The following CCDC169 variants were observed in gnomAD, a reference collection of about 807,000 sequenced individuals.
CCDC169 encodes the protein coiled-coil domain containing 169, also known as coiled-coil domain-containing protein 169.
Under a neutral mutation model 36.0 loss-of-function variants are expected in CCDC169, and 30 were observed. The observed-to-expected ratio is 0.83, with a 90% CI of 0.62 to 1.13. The LOEUF is 1.13. CCDC169 is among the 50% of genes most tolerant of loss of function. The pLI is 0.00. For missense variants in CCDC169, 245 were observed against 245.9 expected, an observed-to-expected ratio of 1.00 and a Z score of 0.03; for synonymous variants, 85 against 81.5, an observed-to-expected ratio of 1.04 and a Z score of -0.23.
At chr13:36,230,092 C>T (rs894529478), downstream of CCDC169, among the ~76,000 whole-genome samples, 1 of 152,038 alleles carries the variant, frequency 6.6e-6, no homozygotes, top group Non-Finnish European at 1.5e-5. Context: ...ATATATTCTT[C>T]CTTAAGGAAA....
downstream of CCDC169, chr13:36,226,672 C>G (rs1250848066): frequency 6.5e-6 from 1 of 153,874 alleles, no homozygotes; most frequent in African/African-American, 2.4e-5. Flanking sequence ...AGGCCATTTT[C>G]CTATGCAAAT....
intron 2 of CCDC169, among the ~76,000 whole-genome samples, chr13:36,290,679 T>C (rs1425313076): frequency 6.6e-6 from 1 of 152,196 alleles, no homozygotes; most frequent in African/African-American, 2.4e-5. Context: ...AGTATCTCAA[T>C]GCAGAGAATT....
At chr13:36,262,890 G>T (rs1874767651) in intron 4 of CCDC169, among the ~76,000 whole-genome samples, 1 of 152,048 alleles carries the variant, frequency 6.6e-6, no homozygotes, top group Non-Finnish European at 1.5e-5. Context: ...TGAGCTCTGG[G>T]GACATATAAA....
rs1879628255 is a variant in CCDC169, at chr13:36,297,275, A to AC, written c.83+361dup. On this transcript the variant is annotated intron_variant, in intron 1 of 7. Coordinates refer to ENST00000239859, the MANE Select transcript of CCDC169 (RefSeq NM_001144981.3). ...CTTAAAGGGATGAAAGAAAAAAAAAACCCCGTATAACTAAATAAAATCTTT... is the reference window on the plus strand; with the variant it reads ...CTTAAAGGGATGAAAGAAAAAAAAAACCCCCGTATAACTAAATAAAATCTTT... Among the ~76,000 whole-genome samples, 3 of 152,248 alleles carry AC rather than the reference A, an allele frequency of 2.0e-5. No individual in the cohort carries two copies. In the South Asian group the frequency reaches 6.2e-4, roughly 32 times the overall value.
rs780852723 is a variant in CCDC169 at position 36,258,498 on chromosome 13, C to T, written c.316-4355G>A. Reference sequence around the variant, plus strand: ...AACCCACCAAAACCCTAGATGGCAACAAAAGTAACCTCTGGTTATCCTCAC... The same window carrying T: ...AACCCACCAAAACCCTAGATGGCAATAAAAGTAACCTCTGGTTATCCTCAC... On this transcript the variant is annotated intron_variant, in intron 4 of 7. Transcript: ENST00000239859. Among the ~76,000 whole-genome samples, 35 of 152,152 alleles carry T rather than the reference C, an allele frequency of 2.3e-4. 1 individual carries two copies. The highest frequency in any genetic ancestry group is 4.3e-4 in the Non-Finnish European group (29 of 68,026).
At chr13:36,295,726 A>G in intron 2 of CCDC169, 52 bp downstream of exon 2, 1 of 945,654 alleles carries the variant, frequency 1.1e-6, no homozygotes, top group Non-Finnish European at 1.6e-6. Flanking sequence ...TATCCTGGTA[A>G]AATGAACAAT....
intron 7 of CCDC169, among the ~76,000 whole-genome samples, chr13:36,238,771 T>C (rs1309487694): frequency 6.6e-6 from 1 of 152,132 alleles, no homozygotes; most frequent in Admixed American, 6.6e-5. Context: ...GAAGCTGAGG[T>C]ACTTCACTGG....
At chr13:36,237,484 A>C (rs1350047549) in intron 7 of CCDC169, among the ~76,000 whole-genome samples, 1 of 152,218 alleles carries the variant, frequency 6.6e-6, no homozygotes, top group Non-Finnish European at 1.5e-5. Flanking sequence ...AAACTTGTAC[A>C]GGGATGTTCA....
chr13:36,281,620 T>C (rs1024819728), intron 4 of CCDC169, among the ~76,000 whole-genome samples: 25 of 152,160 alleles, frequency 1.6e-4, no homozygotes, highest in African/African-American at 5.8e-4. Context: ...CCCAGCACTT[T>C]GGGAGGCGAG....
At chr13:36,266,161 GCTGA>G (rs1197349860) in intron 4 of CCDC169, among the ~76,000 whole-genome samples, 1 of 152,110 alleles carries the variant, frequency 6.6e-6, no homozygotes, top group Non-Finnish European at 1.5e-5. Context: ...TTTCCACTGG[GCTGA>G]CTGTCTTCAG....
intron 4 of CCDC169, among the ~76,000 whole-genome samples, chr13:36,255,453 A>C (rs2322992): frequency 1 from 152,169 of 152,212 alleles, 76,063 homozygotes; most frequent in East Asian, 1. Flanking sequence ...CACTTGAGCT[A>C]AGGAGTTCGA....
At chr13:36,275,764 A>AT (rs1876722094) in intron 4 of CCDC169, among the ~76,000 whole-genome samples, 1 of 152,196 alleles carries the variant, frequency 6.6e-6, no homozygotes, top group South Asian at 2.1e-4. Context: ...CTGGATGTCC[A>AT]TCAGGCAGCA....
chr13:36,274,957 C>G (rs550093877), intron 4 of CCDC169, among the ~76,000 whole-genome samples: 1 of 151,084 alleles, frequency 6.6e-6, no homozygotes, highest in Admixed American at 6.6e-5. Flanking sequence ...CAGGCTCCGC[C>G]TGCCAGGTTC....
At chr13:36,241,139 T>C (rs1871773307) in intron 7 of CCDC169, among the ~76,000 whole-genome samples, 2 of 152,154 alleles carry the variant, frequency 1.3e-5, no homozygotes, top group Non-Finnish European at 2.9e-5. Context: ...TTCACATTCA[T>C]ATGGGTATTT....
At chr13:36,234,497 CA>C (rs1870838774) in intron 7 of CCDC169, among the ~76,000 whole-genome samples, 1 of 152,076 alleles carries the variant, frequency 6.6e-6, no homozygotes, top group Non-Finnish European at 1.5e-5. Flanking sequence ...AGAAGCCTAA[CA>C]AATTCCAAGA....
chr13:36,277,834 A>C (rs1381750611), intron 4 of CCDC169, among the ~76,000 whole-genome samples: 1 of 151,638 alleles, frequency 6.6e-6, no homozygotes, highest in Non-Finnish European at 1.5e-5. Flanking sequence ...AATCCCAGCT[A>C]CTCGGGAGGC....
At chr13:36,285,685 C>G (rs968900841) in intron 2 of CCDC169, among the ~76,000 whole-genome samples, 3 of 151,234 alleles carry the variant, frequency 2.0e-5, no homozygotes, top group African/African-American at 7.3e-5. Context: ...ACAGTCGTAA[C>G]CAAATGGAAT....
At chr13:36,264,597 T>C (rs969801479) in intron 4 of CCDC169, among the ~76,000 whole-genome samples, 1 of 152,122 alleles carries the variant, frequency 6.6e-6, no homozygotes, top group African/African-American at 2.4e-5. Flanking sequence ...ACAGAGGATG[T>C]TTTCTGTTAC....
intron 7 of CCDC169, among the ~76,000 whole-genome samples, chr13:36,233,523 T>A (rs185998955): frequency 1.3e-5 from 2 of 151,580 alleles, no homozygotes; most frequent in Non-Finnish European, 3.0e-5. Flanking sequence ...AAATCTACTA[T>A]TTTAAAGAAC....
Sources: allele counts gnomAD v4.1 joint callset (sites outside exome capture counted in the v4.1 genomes callset), GRCh38; gene constraint gnomAD v4.1.1; transcripts MANE v1.5; gene names NCBI Gene and HGNC (gene_info 2026-07-23, HGNC 2026-07-21).